The following ITPKB variants were observed in gnomAD, a reference collection of about 807,000 sequenced individuals.
The protein encoded by ITPKB is IP3 3-kinase B.
ITPKB carries 13 observed loss-of-function variants against 69.4 expected under a neutral mutation model. The ratio of observed to expected loss-of-function variants is 0.19; its 90% CI spans 0.12 to 0.30. The LOEUF (loss-of-function observed/expected upper bound fraction) is 0.30, where lower values mean the gene tolerates loss of function less well. ITPKB is among the 10% of genes least tolerant of loss of function. The pLI is 1.00. For synonymous variants in ITPKB, 584 were observed against 513.7 expected (o/e 1.14, Z -1.85); for missense variants, 1,240 against 1,250.5 (o/e 0.99, Z 0.13).
intron 2 of ITPKB, among the ~76,000 whole-genome samples, chr1:226,692,092 C>G (rs1656371390): frequency 6.6e-6 from 1 of 152,172 alleles, no homozygotes; most frequent in Non-Finnish European, 1.5e-5. Context: ...CATGCAAGAG[C>G]CTTCAAAACC....
At chr1:226,685,354 C>T (rs1479563733) in intron 2 of ITPKB, among the ~76,000 whole-genome samples, 1 of 152,210 alleles carries the variant, frequency 6.6e-6, no homozygotes, top group Non-Finnish European at 1.5e-5. Flanking sequence ...GTCCTGGCGA[C>T]ATTGACCCAC....
At chr1:226,648,376 G>A (rs12076436) in intron 3 of ITPKB, among the ~76,000 whole-genome samples, 19,845 of 152,176 alleles carry the variant, frequency 0.13, 1,519 homozygotes, top group East Asian at 0.25. Context: ...TGAATACAAC[G>A]GGAAGAGAGA....
intron 2 of ITPKB, among the ~76,000 whole-genome samples, chr1:226,728,862 C>T (rs754472622): frequency 2.6e-5 from 4 of 152,200 alleles, no homozygotes; most frequent in Non-Finnish European, 4.4e-5. Flanking sequence ...ACCCTTATCC[C>T]TGTGGCAGCA....
intron 2 of ITPKB, among the ~76,000 whole-genome samples, chr1:226,726,830 C>T (rs1450833053): frequency 6.6e-6 from 1 of 152,168 alleles, no homozygotes; most frequent in Non-Finnish European, 1.5e-5. Flanking sequence ...GTGACCTTCT[C>T]ACTTCCCAGC....
intron 2 of ITPKB, among the ~76,000 whole-genome samples, chr1:226,669,934 CA>C (rs1669580854): frequency 6.6e-6 from 1 of 150,920 alleles, no homozygotes; most frequent in African/African-American, 2.4e-5. Context: ...AGTGCAGCTG[CA>C]CAATCCCAGC....
intron 2 of ITPKB, among the ~76,000 whole-genome samples, chr1:226,706,654 G>GTT (rs1656807371): frequency 6.6e-6 from 1 of 152,144 alleles, no homozygotes; most frequent in Admixed American, 6.5e-5. Flanking sequence ...AGAAAACTCA[G>GTT]TTGAGTGCTC....
chr1:226,710,969 C>T (rs1656932741), intron 2 of ITPKB, among the ~76,000 whole-genome samples: 1 of 152,188 alleles, frequency 6.6e-6, no homozygotes, highest in African/African-American at 2.4e-5. Context: ...CAGCAATGGG[C>T]CAGGCATTCA....
chr1:226,670,734 G>C (rs1558080909), intron 2 of ITPKB, among the ~76,000 whole-genome samples: 2 of 152,162 alleles, frequency 1.3e-5, no homozygotes, highest in Admixed American at 6.5e-5. Context: ...TTAACCCTTT[G>C]CTCTCATTTC....
chr1:226,736,394 G>T lies in ITPKB; in HGVS notation c.1065C>A (p.Ser355Arg). 1 of 1,612,448 alleles carries T rather than the reference G, an allele frequency of 6.2e-7. No homozygotes were observed. Among genetic ancestry groups the T allele is most frequent in the South Asian group, 1.1e-5 (1 of 91,084 alleles). The change falls in exon 2 of 8, where the codon AGC (serine) becomes AGA (arginine). Residue 355 changes from serine (S) to arginine (R), a missense_variant. By Grantham distance (110) the Ser-to-Arg change is moderately radical (BLOSUM62 -1). Coordinates refer to ENST00000429204, the MANE Select transcript of ITPKB (RefSeq NM_002221.4). ...GGGGCCCGCCCCTTTCTGGGGCTGG[G>T]CTTGTCTCACTGCCCAGAAACTGCC... The part of the protein sequence containing the change: ...RQGQFLGSET[S>R]PAPERGGPRD...
At chr1:226,727,587 A>G (rs933400557) in intron 2 of ITPKB, among the ~76,000 whole-genome samples, 74 of 152,144 alleles carry the variant, frequency 4.9e-4, no homozygotes, top group African/African-American at 1.8e-3. Context: ...GAAAACAGTA[A>G]AATCAGTTTA....
chr1:226,642,802 T>A lies in ITPKB; in HGVS notation c.2247-677A>T, dbSNP rs1290335758. On this transcript the variant is annotated intron_variant, in intron 4 of 7. Coordinates refer to ENST00000429204, the MANE Select transcript of ITPKB (RefSeq NM_002221.4). The surrounding 1 kb of genome is among the most constrained non-coding windows in gnomAD (Gnocchi z 6.4). ...CTGTCCTGGTGGGAGAAGTGGTCTG[T>A]CCTCAAGTCCCCATCTCTGCTGCTC... Among the ~76,000 whole-genome samples the A allele has an allele frequency of 2.0e-5, 3 of 152,124 alleles. No homozygotes were observed. In the East Asian group the frequency reaches 5.8e-4, roughly 29 times the overall value.
chr1:226,733,199 C>T (rs1373712552), intron 2 of ITPKB, among the ~76,000 whole-genome samples: 2 of 152,114 alleles, frequency 1.3e-5, no homozygotes, highest in African/African-American at 4.8e-5. Context: ...CAAGTGTGAG[C>T]AAGCATGAGA....
At position 226,735,899 on chromosome 1, in the gene ITPKB, C is replaced by G; in HGVS notation, c.1560G>C (p.Trp520Cys). 1 of 1,613,306 alleles carries G rather than the reference C, an allele frequency of 6.2e-7. No individual in the cohort carries two copies. The highest frequency in any genetic ancestry group is 8.5e-7 in the Non-Finnish European group (1 of 1,179,388). The change falls in exon 2 of 8, where the codon TGG (tryptophan) becomes TGC (cysteine). Residue 520 changes from tryptophan (W) to cysteine (C), a missense_variant. By Grantham distance (215) the Trp-to-Cys change is radical. This residue lies in a region of ITPKB where 992 missense variants were observed against 853.8 expected (regional missense o/e 1.16). Coordinates refer to ENST00000429204, the MANE Select transcript of ITPKB (RefSeq NM_002221.4). The part of the protein sequence containing the change: ...QGTMEKAGLA[W>C]TRGTGVQSEG... ...CTGATTGCACCCCTGTGCCACGCGTCCAAGCCAAACCGGCTTTCTCCATGG... is the reference window on the plus strand; with the variant it reads ...CTGATTGCACCCCTGTGCCACGCGTGCAAGCCAAACCGGCTTTCTCCATGG...
chr1:226,725,777 G>A (rs1276651190), intron 2 of ITPKB, among the ~76,000 whole-genome samples: 1 of 152,180 alleles, frequency 6.6e-6, no homozygotes, highest in Non-Finnish European at 1.5e-5. Flanking sequence ...TACAATGGCC[G>A]AGATGGTCAC....
chr1:226,646,182 T>C (rs1393290941), intron 4 of ITPKB, among the ~76,000 whole-genome samples: 1 of 152,086 alleles, frequency 6.6e-6, no homozygotes, highest in African/African-American at 2.4e-5. Flanking sequence ...CAAGGAAGCA[T>C]GGGGGGGCTT....
Position 226,634,388 on chromosome 1 carries a change from A to C in ITPKB, c.*283T>G, listed in dbSNP as rs949789843. 3 of 414,540 alleles carry C rather than the reference A, an allele frequency of 7.2e-6. No individual in the cohort carries two copies. The highest frequency in any genetic ancestry group is 1.3e-5 in the Non-Finnish European group (3 of 227,680). 25.7% of individuals were successfully genotyped at this position (414,540 alleles called of 1,614,324 possible). The stretch of plus-strand genomic sequence containing the variant: ...AGGGCTCATCTGGTAGGGTCCCCTC[A>C]GCAGCCAGGGACCCCCTCCAGCTCT... On this transcript the variant is annotated 3_prime_UTR_variant, in exon 8 of 8. Coordinates refer to ENST00000429204, the MANE Select transcript of ITPKB (RefSeq NM_002221.4). The surrounding 1 kb of genome is among the most constrained non-coding windows in gnomAD (Gnocchi z 6.3).
In ITPKB at chr1:226,642,991, GC is replaced by G. The variant is rs570972010; in HGVS notation, c.2247-867del. Among the ~76,000 whole-genome samples the G allele has an allele frequency of 3.7e-3, 571 of 152,308 alleles. 3 individuals carry two copies. The highest frequency in any genetic ancestry group is 6.1e-3 in the Non-Finnish European group (417 of 68,020). On this transcript the variant is annotated intron_variant, in intron 4 of 7. Coordinates refer to ENST00000429204, the MANE Select transcript of ITPKB (RefSeq NM_002221.4). The surrounding 1 kb of genome is among the most constrained non-coding windows in gnomAD (Gnocchi z 6.4). ...GGGGGAAAGGCAGGGGGCTCCCTCA[GC>G]CTCTGCTCATCCCAGAGACATGCCT...
At chr1:226,718,954 G>A (rs1246818982) in intron 2 of ITPKB, among the ~76,000 whole-genome samples, 1 of 152,218 alleles carries the variant, frequency 6.6e-6, no homozygotes, top group Non-Finnish European at 1.5e-5. Context: ...AGCCAGACCT[G>A]GAAATGACAC....
At chr1:226,700,379 G>A (rs559967362) in intron 2 of ITPKB, among the ~76,000 whole-genome samples, 3 of 149,404 alleles carry the variant, frequency 2.0e-5, no homozygotes, top group Non-Finnish European at 4.4e-5. Flanking sequence ...TGAGACAGGG[G>A]AATCACTTGA....
Sources: allele counts gnomAD v4.1 joint callset (sites outside exome capture counted in the v4.1 genomes callset), GRCh38; gene constraint gnomAD v4.1.1; regional missense constraint gnomAD v4.1.1; non-coding constraint Gnocchi (gnomAD v3.1); transcripts MANE v1.5; gene names NCBI Gene and HGNC (gene_info 2026-07-23, HGNC 2026-07-21).